TRAF3: variants seen among roughly 807,000 people sequenced by gnomAD.
The protein encoded by TRAF3 is TNF receptor associated factor 3.
A neutral mutation model predicts 62.3 loss-of-function variants in TRAF3; 13 were observed. The observed-to-expected ratio is 0.21, with a 90% CI of 0.14 to 0.33. The LOEUF (loss-of-function observed/expected upper bound fraction) is 0.33. Among genes scored for constraint, TRAF3 ranks in the 10% least tolerant of loss-of-function variants. The pLI is 1.00. For synonymous variants in TRAF3, 269 were observed against 283.4 expected (o/e 0.95, Z 0.51); for missense variants, 440 against 741.8 (o/e 0.59, Z 4.73).
At chr14:102,852,403 A>G (rs2139736232) in intron 2 of TRAF3, among the ~76,000 whole-genome samples, 1 of 152,310 alleles carries the variant, frequency 6.6e-6, no homozygotes, top group East Asian at 1.9e-4. Context: ...CAGCCTGGGA[A>G]CGAGACATGA....
intron 6 of TRAF3, among the ~76,000 whole-genome samples, chr14:102,877,378 G>C (rs1159262600): frequency 7.2e-6 from 1 of 138,144 alleles, no homozygotes; most frequent in Non-Finnish European, 1.5e-5. Context: ...CAGGCCTTCC[G>C]CTCAATTCAT....
intron 1 of TRAF3, among the ~76,000 whole-genome samples, chr14:102,778,684 C>T (rs1015335382): frequency 4.5e-4 from 69 of 152,254 alleles, no homozygotes; most frequent in Non-Finnish European, 6.5e-4. Flanking sequence ...AATTTACATT[C>T]ACGGCATACA....
intron 1 of TRAF3, among the ~76,000 whole-genome samples, chr14:102,779,587 A>G (rs1897187276): frequency 6.6e-6 from 1 of 152,094 alleles, no homozygotes; most frequent in Non-Finnish European, 1.5e-5. Context: ...TTAATTTTTC[A>G]CTGTGCAACT....
rs1416135899 is a variant in TRAF3 at position 102,903,684 on chromosome 14, G to A, written c.1135+255G>A. The A allele has an allele frequency of 4.8e-6, 3 of 620,636 alleles. No homozygotes were observed. The highest frequency in any genetic ancestry group is 3.5e-5 in the East Asian group (1 of 28,224). The allele number at this position is 620,636 out of a possible 1,614,324, so 38.4% of individuals were successfully genotyped here. A position where few individuals can be genotyped will look rare whatever the true frequency, so the allele number is the denominator to read the frequency against. Reference sequence around the variant, plus strand: ...AGAAAGTAGGGGCAGCTGCAGCCACGGGAAGCTGCAAAGCCCTCCTGGGAG... The same window carrying A: ...AGAAAGTAGGGGCAGCTGCAGCCACAGGAAGCTGCAAAGCCCTCCTGGGAG... On this transcript the variant is annotated intron_variant, in intron 11 of 11. Coordinates refer to ENST00000392745, the MANE Select transcript of TRAF3 (RefSeq NM_145725.3). This position sits in a 1 kb window ranked among gnomAD's most constrained non-coding sequence, Gnocchi z 6.4.
chr14:102,883,341 C>G (rs1255183136), intron 6 of TRAF3, among the ~76,000 whole-genome samples: 1 of 152,202 alleles, frequency 6.6e-6, no homozygotes, highest in African/African-American at 2.4e-5. Flanking sequence ...TGGTAGAATT[C>G]TGTATTAACA....
intron 6 of TRAF3, among the ~76,000 whole-genome samples, chr14:102,885,766 C>A (rs773859504): frequency 1.6e-4 from 24 of 152,228 alleles, no homozygotes; most frequent in Non-Finnish European, 3.1e-4. Flanking sequence ...CGTCTCTCAA[C>A]CAGCAGAGGC....
At chr14:102,814,581 A>G (rs936359132) in intron 1 of TRAF3, among the ~76,000 whole-genome samples, 3 of 152,008 alleles carry the variant, frequency 2.0e-5, no homozygotes, top group African/African-American at 7.3e-5. Flanking sequence ...GTGCAGTGGC[A>G]TGATACAGCT....
chr14:102,882,511 C>G (rs536199234), intron 6 of TRAF3, among the ~76,000 whole-genome samples: 2 of 152,198 alleles, frequency 1.3e-5, no homozygotes, highest in Admixed American at 6.5e-5. Context: ...CTGTGACTTG[C>G]CCTTGCCCTA....
chr14:102,870,065 G>C (rs1019044748), intron 2 of TRAF3, 120 bp from the exon 3 acceptor site: 1 of 1,204,884 alleles, frequency 8.3e-7, no homozygotes, highest in African/African-American at 1.5e-5. Flanking sequence ...AGTTGGGAAG[G>C]ATTCTTGTGT....
intron 2 of TRAF3, among the ~76,000 whole-genome samples, chr14:102,835,087 G>T (rs1299721308): frequency 6.6e-6 from 1 of 152,120 alleles, no homozygotes; most frequent in Non-Finnish European, 1.5e-5. Context: ...TAAAAAGTGG[G>T]CAAAGGGCAT....
chr14:102,859,547 G>A (rs1440955161), intron 2 of TRAF3, among the ~76,000 whole-genome samples: 2 of 152,212 alleles, frequency 1.3e-5, no homozygotes, highest in African/African-American at 2.4e-5. Context: ...TAAAGTTAAA[G>A]CGTTTAGCAA....
chr14:102,806,156 C>T (rs113878076), intron 1 of TRAF3, among the ~76,000 whole-genome samples: 2,141 of 152,200 alleles, frequency 0.014, 33 homozygotes, highest in Non-Finnish European at 0.019. Context: ...CTCAGCATAT[C>T]CCTACAGCAA....
At chr14:102,870,104 A>T in intron 2 of TRAF3, 81 bp from the exon 3 acceptor site, 1 of 1,581,028 alleles carries the variant, frequency 6.3e-7, no homozygotes, top group Non-Finnish European at 8.7e-7. Flanking sequence ...AGCAGGTCTC[A>T]GGCACTTTTG....
At chr14:102,851,471 G>A (rs1351012223) in intron 2 of TRAF3, among the ~76,000 whole-genome samples, 3 of 152,194 alleles carry the variant, frequency 2.0e-5, no homozygotes, top group South Asian at 2.1e-4. Context: ...AGGGCCGGGC[G>A]CAGTGGCTCA....
intron 2 of TRAF3, among the ~76,000 whole-genome samples, chr14:102,851,154 A>G (rs891523035): frequency 2.6e-5 from 4 of 152,216 alleles, no homozygotes; most frequent in Non-Finnish European, 5.9e-5. Flanking sequence ...ATTTTTCTTT[A>G]TCAGCACAAT....
At chr14:102,792,218 A>G (rs1156506026) in intron 1 of TRAF3, among the ~76,000 whole-genome samples, 1 of 139,588 alleles carries the variant, frequency 7.2e-6, no homozygotes, top group East Asian at 2.2e-4. Flanking sequence ...TTGAACTCCC[A>G]GGCTCAAGCA....
intron 1 of TRAF3, among the ~76,000 whole-genome samples, chr14:102,806,537 C>T (rs956679719): frequency 6.6e-6 from 1 of 152,206 alleles, no homozygotes; most frequent in Non-Finnish European, 1.5e-5. Flanking sequence ...GTCCAAGCTG[C>T]CCCTTGAGCT....
chr14:102,898,702 C>T (rs911386682), intron 10 of TRAF3, among the ~76,000 whole-genome samples: 1 of 152,278 alleles, frequency 6.6e-6, no homozygotes, highest in Non-Finnish European at 1.5e-5. Context: ...GATGTACCAA[C>T]GCCCCATCCC....
At chr14:102,811,943 T>TTTTTG (rs1899206392) in intron 1 of TRAF3, among the ~76,000 whole-genome samples, 2 of 130,776 alleles carry the variant, frequency 1.5e-5, no homozygotes, top group Non-Finnish European at 3.1e-5. Context: ...TTTTTTTTTT[T>TTTTTG]GTACAGACAG....
Sources: allele counts gnomAD v4.1 joint callset (sites outside exome capture counted in the v4.1 genomes callset), GRCh38; gene constraint gnomAD v4.1.1; non-coding constraint Gnocchi (gnomAD v3.1); transcripts MANE v1.5; gene names NCBI Gene and HGNC (gene_info 2026-07-23, HGNC 2026-07-21).